ANKS1B: variants seen among roughly 807,000 people sequenced by gnomAD.
ANKS1B encodes ankyrin repeat and sterile alpha motif domain containing 1B, also known as ankyrin repeat and sterile alpha motif domain-containing protein 1B.
A neutral mutation model predicts 148.3 loss-of-function variants in ANKS1B; 36 were observed. The observed-to-expected ratio is 0.24, with a 90% CI of 0.19 to 0.32. The LOEUF (loss-of-function observed/expected upper bound fraction) is 0.32. Ranked by LOEUF, ANKS1B falls within the 10% of genes least tolerant of loss-of-function variation. The pLI is 1.00. For missense variants in ANKS1B, 1,157 were observed against 1,542.6 expected, an observed-to-expected ratio of 0.75 and a Z score of 4.19; for synonymous variants, 542 against 560.8, an observed-to-expected ratio of 0.97 and a Z score of 0.47.
At chr12:99,788,588 G>A (rs2065255732) in intron 4 of ANKS1B, among the ~76,000 whole-genome samples, 1 of 152,136 alleles carries the variant, frequency 6.6e-6, no homozygotes, top group African/African-American at 2.4e-5. Flanking sequence ...ACAGCAGAGG[G>A]AAAAGTAAAG....
chr12:99,443,109 A>C (rs966808153), intron 11 of ANKS1B, among the ~76,000 whole-genome samples: 4 of 152,000 alleles, frequency 2.6e-5, no homozygotes, highest in African/African-American at 9.7e-5. Flanking sequence ...GAAAAGAGAG[A>C]AATCCATAGA....
At chr12:98,878,895 G>A (rs182862276) in intron 17 of ANKS1B, among the ~76,000 whole-genome samples, 244 of 152,126 alleles carry the variant, frequency 1.6e-3, no homozygotes, top group Admixed American at 3.1e-3. Flanking sequence ...ATGTAGTTTC[G>A]GAACAAAAGA....
At chr12:98,995,890 T>G (rs1448579007) in intron 17 of ANKS1B, among the ~76,000 whole-genome samples, 1 of 151,840 alleles carries the variant, frequency 6.6e-6, no homozygotes, top group Non-Finnish European at 1.5e-5. Context: ...AGGACAAGAG[T>G]ACTCTGCACA....
intron 12 of ANKS1B, among the ~76,000 whole-genome samples, chr12:99,280,386 T>G (rs2078256997): frequency 6.6e-6 from 1 of 152,180 alleles, no homozygotes; most frequent in South Asian, 2.1e-4. Context: ...CAACTGTCCT[T>G]TATAGGTAGG....
chr12:99,576,762 T>G lies in ANKS1B; in HGVS notation c.1273-72121A>C, dbSNP rs144972717. Reference sequence around the variant, plus strand: ...TTTAAGAGGACAGGTTTTTCTTTTTTTCAAGTTTTATTTTAGATTTAGTGG... The same window carrying G: ...TTTAAGAGGACAGGTTTTTCTTTTTGTCAAGTTTTATTTTAGATTTAGTGG... On this transcript the variant is annotated intron_variant, in intron 9 of 26. Transcript: ENST00000683438. 2.0e-5 allele frequency among the ~76,000 whole-genome samples: 3 copies of G among 152,118 alleles called. No homozygotes were observed. In the East Asian group the frequency reaches 5.8e-4, roughly 29 times the overall value.
chr12:99,642,691 C>A (rs565187037), intron 9 of ANKS1B, among the ~76,000 whole-genome samples: 86 of 152,254 alleles, frequency 5.6e-4, no homozygotes, highest in African/African-American at 1.9e-3. Flanking sequence ...GTGATGCATG[C>A]CTGTAATCCC....
chr12:99,876,624 G>A (rs1293790979), intron 1 of ANKS1B, among the ~76,000 whole-genome samples: 1 of 151,888 alleles, frequency 6.6e-6, no homozygotes, highest in Admixed American at 6.6e-5. Flanking sequence ...CAGCTACTCG[G>A]GAGGCTGAGG....
chr12:99,383,308 C>T (rs2093721614), intron 12 of ANKS1B, among the ~76,000 whole-genome samples: 1 of 152,234 alleles, frequency 6.6e-6, no homozygotes. Flanking sequence ...ATTTCAGACC[C>T]GATTTACCCT....
At chr12:98,986,489 A>G (rs1352173264) in intron 17 of ANKS1B, among the ~76,000 whole-genome samples, 1 of 152,122 alleles carries the variant, frequency 6.6e-6, no homozygotes, top group African/African-American at 2.4e-5. Flanking sequence ...TGAGCCCATC[A>G]AAGGAATTCT....
intron 17 of ANKS1B, among the ~76,000 whole-genome samples, chr12:98,864,613 T>C (rs1192740636): frequency 6.6e-6 from 1 of 152,204 alleles, no homozygotes; most frequent in Non-Finnish European, 1.5e-5. Flanking sequence ...AGGCAGCCTT[T>C]GGGATCAAAC....
At chr12:99,122,322 A>G (rs971229206) in intron 15 of ANKS1B, among the ~76,000 whole-genome samples, 1 of 152,198 alleles carries the variant, frequency 6.6e-6, no homozygotes, top group Non-Finnish European at 1.5e-5. Flanking sequence ...GCTAGAGAGA[A>G]TGGGAGAAAT....
intron 17 of ANKS1B, among the ~76,000 whole-genome samples, chr12:98,915,440 C>T (rs552801755): frequency 8.5e-5 from 13 of 152,306 alleles, no homozygotes; most frequent in African/African-American, 2.6e-4. Flanking sequence ...CAACCTCCGC[C>T]TCCCAGGTTC....
chr12:99,582,948 T>C (rs2097584737), intron 9 of ANKS1B, among the ~76,000 whole-genome samples: 1 of 152,174 alleles, frequency 6.6e-6, no homozygotes, highest in African/African-American at 2.4e-5. Flanking sequence ...TTTCCTGAAA[T>C]ACCTGTCCCC....
At chr12:99,181,544 T>C (rs1488613992) in intron 14 of ANKS1B, among the ~76,000 whole-genome samples, 2 of 152,210 alleles carry the variant, frequency 1.3e-5, no homozygotes, top group East Asian at 3.8e-4. Context: ...GAGAAAATAT[T>C]CCTTTTCCAA....
chr12:98,933,251 T>A (rs1434215002), intron 17 of ANKS1B, among the ~76,000 whole-genome samples: 1 of 152,244 alleles, frequency 6.6e-6, no homozygotes, highest in Non-Finnish European at 1.5e-5. Flanking sequence ...TTTGAATTTC[T>A]GCGACTAACT....
intron 14 of ANKS1B, among the ~76,000 whole-genome samples, chr12:99,191,465 A>C (rs1186844487): frequency 1.3e-5 from 2 of 152,230 alleles, no homozygotes; most frequent in African/African-American, 4.8e-5. Context: ...TCAATGATAG[A>C]CTGGATAAAG....
Position 98,766,804 on chromosome 12 carries a change from G to T in ANKS1B, c.3579+6238C>A, listed in dbSNP as rs942419680. Among the ~76,000 whole-genome samples, 3 of 151,964 alleles carry T rather than the reference G, an allele frequency of 2.0e-5. No individual in the cohort carries two copies. The South Asian group carries it at 6.2e-4, about 32-fold the overall frequency. On this transcript the variant is annotated intron_variant, in intron 25 of 26. Coordinates refer to ENST00000683438, the MANE Select transcript of ANKS1B (RefSeq NM_001352186.2). ...TCTCGGCATTTAAAAAAGCACTCAA[G>T]AATTTAAATTTTTCTTTCCTTTTTT... is the stretch of plus-strand genomic sequence containing the variant.
chr12:99,877,374 C>A (rs530455814), intron 1 of ANKS1B, among the ~76,000 whole-genome samples: 1 of 152,206 alleles, frequency 6.6e-6, no homozygotes, highest in Admixed American at 6.5e-5. Context: ...TCTATTTTTC[C>A]CCATGATTAT....
At chr12:98,987,687 C>A (rs543548604) in intron 17 of ANKS1B, among the ~76,000 whole-genome samples, 59 of 151,148 alleles carry the variant, frequency 3.9e-4, no homozygotes, top group African/African-American at 1.4e-3. Flanking sequence ...GATTTGGGAC[C>A]GGTCACAGAA....
Sources: gnomAD v4.1 joint callset for allele counts (sites outside exome capture counted in the v4.1 genomes callset) on GRCh38, gnomAD v4.1.1 for gene constraint, MANE v1.5 for transcripts, NCBI Gene and HGNC (gene_info 2026-07-23, HGNC 2026-07-21) for gene names.